Variants in PCDHGA2 observed in about 807,000 individuals in gnomAD.
PCDHGA2 encodes the protein protocadherin gamma-A2.
In PCDHGA2, 40 loss-of-function variants were observed where a neutral mutation model predicts 59.2. The observed-to-expected ratio is 0.68, with a 90% CI of 0.52 to 0.88. PCDHGA2 has a LOEUF of 0.88. Among genes scored for constraint, PCDHGA2 ranks in the 40% least tolerant of loss-of-function variants. The pLI, the probability that PCDHGA2 is intolerant of heterozygous loss-of-function variation, is 0.00. For synonymous variants in PCDHGA2, 560 were observed against 526.0 expected (o/e 1.06, Z -0.89); for missense variants, 1,226 against 1,204.0 (o/e 1.02, Z -0.27).
chr5:141,420,022 T>A, intron 1 of PCDHGA2: 3 of 1,614,104 alleles, frequency 1.9e-6, no homozygotes, highest in Middle Eastern at 3.3e-4. Flanking sequence ...CTTTCAGCCC[T>A]ACTGCAGGAG....
Position 141,491,349 on chromosome 5 carries a change from C to G in PCDHGA2, c.2425-3458C>G. 6.2e-7 allele frequency: 1 copy of G among 1,614,168 alleles called. No individual in the cohort carries two copies. Among genetic ancestry groups the G allele is most frequent in the Non-Finnish European group, 8.5e-7 (1 of 1,180,016 alleles). ...TTGTGGCTCTAGCGACCGTCAGTCT[C>G]TTATCCCTAGTCACCTTCACCTTTC... is the stretch of plus-strand genomic sequence containing the variant. On this transcript the variant is annotated intron_variant, in intron 1 of 3. Transcript: ENST00000394576. The surrounding 1 kb of genome is among the most constrained non-coding windows in gnomAD (Gnocchi z 6.9).
At chr5:141,497,020 C>T (rs138768677) in intron 2 of PCDHGA2, among the ~76,000 whole-genome samples, 8 of 152,122 alleles carry the variant, frequency 5.3e-5, no homozygotes, top group African/African-American at 1.7e-4. Flanking sequence ...GAAACCCCAT[C>T]TCGATTAAAA....
At chr5:141,348,569 C>T (rs773366121) in intron 1 of PCDHGA2, among the ~76,000 whole-genome samples, 1 of 152,162 alleles carries the variant, frequency 6.6e-6, no homozygotes, top group Non-Finnish European at 1.5e-5. Context: ...ACATAGCCTA[C>T]ATATGTGTCA....
chr5:141,407,704 T>C (rs977444941), intron 1 of PCDHGA2, among the ~76,000 whole-genome samples: 5 of 152,144 alleles, frequency 3.3e-5, no homozygotes, highest in Admixed American at 1.3e-4. Context: ...TTGTTGAAGG[T>C]GGGGTGATGG....
chr5:141,497,919 T>G (rs762168347), intron 2 of PCDHGA2, among the ~76,000 whole-genome samples: 11 of 152,206 alleles, frequency 7.2e-5, no homozygotes, highest in Non-Finnish European at 1.6e-4. Flanking sequence ...TCTCCTTCAT[T>G]CATTCAACAA....
chr5:141,340,238 AC>A lies in PCDHGA2; in HGVS notation c.1269del (p.Ala424LeufsTer51). On this transcript the variant is annotated frameshift_variant, in exon 1 of 4. Transcript: ENST00000394576. LOFTEE classifies it high-confidence loss of function. ...GTTTTCCTTTTACAACATCACTCTA[AC>A]CGCTAAAGATGGAGGGAACCCCTCC... ...EQFSFYNITL[T>X]AKDGGNPSLS... is the part of the protein sequence containing the mutation. 1 of 1,614,062 alleles carries A rather than the reference AC, an allele frequency of 6.2e-7. No homozygotes were observed.
chr5:141,377,157 T>C (rs1773738723), intron 1 of PCDHGA2: 1 of 152,278 alleles, frequency 6.6e-6, no homozygotes, highest in South Asian at 2.1e-4. Context: ...GTCCTAGTTT[T>C]TCTTTACCTT....
intron 1 of PCDHGA2, among the ~76,000 whole-genome samples, chr5:141,446,394 A>C (rs796472404): frequency 1.1e-4 from 17 of 152,344 alleles, no homozygotes; most frequent in African/African-American, 3.4e-4. Context: ...ATTTAAGAGA[A>C]ATCGAGTTGA....
At chr5:141,392,585 G>A (rs749915419) in intron 1 of PCDHGA2, 4 of 468,068 alleles carry the variant, frequency 8.5e-6, no homozygotes, top group Non-Finnish European at 1.5e-5. Context: ...TGTAAGCGCC[G>A]CTGTTCACCT....
chr5:141,345,659 C>G, intron 1 of PCDHGA2: 1 of 1,614,240 alleles, frequency 6.2e-7, no homozygotes. Context: ...ACCCTCCACT[C>G]AGCAGCAACG....
chr5:141,354,990 C>A, intron 1 of PCDHGA2: 1 of 635,190 alleles, frequency 1.6e-6, no homozygotes, highest in Non-Finnish European at 2.4e-6. Flanking sequence ...GTTCACCAAT[C>A]AGGGGGAAAA....
At chr5:141,383,517 G>A (rs374823629) in intron 1 of PCDHGA2, 1 of 1,612,492 alleles carries the variant, frequency 6.2e-7, no homozygotes, top group Non-Finnish European at 8.5e-7. Context: ...AGGAAGAGCG[G>A]GTTCACCACC....
chr5:141,402,807 T>G, intron 1 of PCDHGA2: 2 of 1,165,464 alleles, frequency 1.7e-6, no homozygotes, highest in Non-Finnish European at 2.3e-6. Flanking sequence ...ACCCGGCAGA[T>G]ACCACAAACC....
chr5:141,351,181 G>C (rs200349180), intron 1 of PCDHGA2: 2 of 1,613,920 alleles, frequency 1.2e-6, no homozygotes, highest in African/African-American at 2.7e-5. Context: ...ATTTTGAAGA[G>C]ACAAGTAGAT....
intron 1 of PCDHGA2, chr5:141,376,853 A>C (rs188570810): frequency 0.022 from 4,983 of 229,694 alleles, 85 homozygotes; most frequent in East Asian, 0.036. Flanking sequence ...CGCCCGGCTA[A>C]TTTTTTTGTA....
In PCDHGA2 at chr5:141,489,637, T is replaced by G. The variant is rs1230531256; in HGVS notation, c.2425-5170T>G. The G allele has an allele frequency of 6.2e-6, 10 of 1,614,032 alleles. No homozygotes were observed. The highest frequency in any genetic ancestry group is 2.7e-5 in the African/African-American group (2 of 74,914). On this transcript the variant is annotated intron_variant, in intron 1 of 3. Transcript: ENST00000394576. The surrounding 1 kb of genome is among the most constrained non-coding windows in gnomAD (Gnocchi z 4.5). The stretch of plus-strand genomic sequence containing the variant: ...GGATCTCAATGACAACTCTCCTAGC[T>G]TTGCCACCCCTGAGCGAGAGATGCG...
At chr5:141,385,876 G>A (rs1395840676) in intron 1 of PCDHGA2, 1 of 152,842 alleles carries the variant, frequency 6.5e-6, no homozygotes, top group Non-Finnish European at 1.5e-5. Flanking sequence ...TTGGATTTAT[G>A]CCTAAAGAAT....
intron 1 of PCDHGA2, chr5:141,383,703 C>A: frequency 2.5e-6 from 4 of 1,613,964 alleles, no homozygotes; most frequent in Non-Finnish European, 3.4e-6. Flanking sequence ...ATGCTATCGA[C>A]CTGGACGAGG....
chr5:141,426,311 G>C (rs895147447), intron 1 of PCDHGA2: 7 of 173,614 alleles, frequency 4.0e-5, no homozygotes, highest in Middle Eastern at 2.9e-3. Context: ...AAGCAGAGAA[G>C]CAGGACCCGG....
Sources: allele counts gnomAD v4.1 joint callset (sites outside exome capture counted in the v4.1 genomes callset), GRCh38; gene constraint gnomAD v4.1.1; non-coding constraint Gnocchi (gnomAD v3.1); transcripts MANE v1.5; gene names NCBI Gene and HGNC (gene_info 2026-07-23, HGNC 2026-07-21).